The following OR6S1 variants were observed in gnomAD, a reference collection of about 807,000 sequenced individuals.
OR6S1 encodes olfactory receptor 6S1.
For synonymous variants in OR6S1, 182 were observed against 166.0 expected (o/e 1.10, Z -0.74); for missense variants, 443 against 401.7 (o/e 1.10, Z -0.88).
At position 20,641,582 on chromosome 14, in the gene OR6S1, T is replaced by C. The variant is rs773947445; in HGVS notation, c.110A>G (p.Tyr37Cys). The C allele has an allele frequency of 3.3e-5, 54 of 1,613,780 alleles. No individual in the cohort carries two copies. Among genetic ancestry groups the C allele is most frequent in the East Asian group, 1.8e-4 (8 of 44,894 alleles). The change falls in exon 1 of 1, where the codon TAT becomes TGT. Residue 37 changes from tyrosine to cysteine, a missense_variant. Tyr to Cys is a radical substitution (Grantham distance 194, BLOSUM62 -2). Coordinates refer to ENST00000320704, the MANE Select transcript of OR6S1 (RefSeq NM_001001968.1). ...CACATTGCCTGTCAGATTCAGGAGA[T>C]AGACAAGAAGAAACACAGAAAATAA... ...VELFSVFLLVYLLNLTGNVLI... is the reference protein window; with the variant it reads ...VELFSVFLLVCLLNLTGNVLI...
At position 20,641,473 on chromosome 14, in the gene OR6S1, T is replaced by A. The variant is rs979100737; in HGVS notation, c.219A>T (p.Ile73=). ...TTGGAATGATGACAGAAGTGAGCAG[T>A]ATCTCTAGGCAGGACAGGTTACCCA... ...FFLGNLSCLE[I]LLTSVIIPKM... The change falls in exon 1 of 1, where the codon ATA becomes ATT. Residue 73 remains isoleucine, a synonymous_variant. Transcript: ENST00000320704. The A allele has an allele frequency of 1.9e-6, 3 of 1,614,006 alleles. No homozygotes were observed. The African/African-American group carries it at 4.0e-5, about 22-fold the overall frequency.
chr14:20,641,422 C>T lies in OR6S1; in HGVS notation c.270G>A (p.Arg90=), dbSNP rs1885537560. ...ATGCAGCAAAGGAAATAGTGTGTTG[C>T]CTTGAGAGGAAATTGCTCAGCATCT... ...IPKMLSNFLS[R]QHTISFAACI... The change falls in exon 1 of 1, where the codon AGG becomes AGA. Residue 90 remains arginine (R), a synonymous_variant. Transcript: ENST00000320704. 1 of 1,613,934 alleles carries T rather than the reference C, an allele frequency of 6.2e-7. No homozygotes were observed. Among genetic ancestry groups the T allele is most frequent in the South Asian group, 1.1e-5 (1 of 91,078 alleles).
Position 20,641,331 on chromosome 14 carries a change from A to T in OR6S1, c.361T>A (p.Ser121Thr). Residue 121 changes from serine to threonine, a missense_variant, in exon 1 of 1, where the codon TCT (serine) becomes ACT (threonine). By Grantham distance (58) the Ser-to-Thr change is moderately conservative. Transcript: ENST00000320704. ...ASEFLLLAVM[S>T]ADRYLAICHP... ...CAGATGGCCAGGTAGCGATCCGCAG[A>T]CATGACAGCCAACAGTAAGAACTCG... 1.2e-6 allele frequency: 2 copies of T among 1,614,182 alleles called. No individual in the cohort carries two copies. Among genetic ancestry groups the T allele is most frequent in the Non-Finnish European group, 1.7e-6 (2 of 1,180,006 alleles).
In OR6S1 at chr14:20,640,833, G is replaced by C. The variant is rs376927368; in HGVS notation, c.859C>G (p.Leu287Val). The C allele has an allele frequency of 6.2e-7, 1 of 1,613,926 alleles. No homozygotes were observed. The highest frequency in any genetic ancestry group is 8.5e-7 in the Non-Finnish European group (1 of 1,180,016). The change falls in exon 1 of 1, where the codon CTG (leucine) becomes GTG (valine). Residue 287 changes from leucine (L) to valine (V), a missense_variant. Leu to Val is a conservative substitution (Grantham distance 32). Coordinates refer to ENST00000320704, the MANE Select transcript of OR6S1 (RefSeq NM_001001968.1). ...AAGGCATAGATGAATGGATTCAACAGTGGTGTCACAAATGTCGTTATTACT... is the reference window on the plus strand; with the variant it reads ...AAGGCATAGATGAATGGATTCAACACTGGTGTCACAAATGTCGTTATTACT... ...VTVITTFVTP[L>V]LNPFIYALRN...
chr14:20,641,337 C>G lies in OR6S1; in HGVS notation c.355G>C (p.Val119Leu). Reference protein sequence around the residue: ...LGASEFLLLAVMSADRYLAIC... With the variant: ...LGASEFLLLALMSADRYLAIC... ...GCCAGGTAGCGATCCGCAGACATGA[C>G]AGCCAACAGTAAGAACTCGGAGGCC... is the stretch of plus-strand genomic sequence containing the variant. Residue 119 changes from valine to leucine, a missense_variant, in exon 1 of 1, where the codon GTC (valine) becomes CTC (leucine). By Grantham distance (32) the Val-to-Leu change is conservative. Coordinates refer to ENST00000320704, the MANE Select transcript of OR6S1 (RefSeq NM_001001968.1). The G allele has an allele frequency of 6.2e-7, 1 of 1,614,126 alleles. No homozygotes were observed. The highest frequency in any genetic ancestry group is 1.1e-5 in the South Asian group (1 of 91,062).
rs1457270824 is a variant in OR6S1 at position 20,641,484 on chromosome 14, A to C, written c.208T>G (p.Cys70Gly). 6.2e-7 allele frequency: 1 copy of C among 1,614,160 alleles called. No individual in the cohort carries two copies. The highest frequency in any genetic ancestry group is 8.5e-7 in the Non-Finnish European group (1 of 1,179,964). The change falls in exon 1 of 1, where the codon TGC becomes GGC. Residue 70 changes from cysteine (C) to glycine (G), a missense_variant. Transcript: ENST00000320704. ...ACAGAAGTGAGCAGTATCTCTAGGC[A>C]GGACAGGTTACCCAGAAAGAAGTAC... ...PMYFFLGNLS[C>G]LEILLTSVII...
Position 20,641,375 on chromosome 14 carries a change from T to A in OR6S1, c.317A>T (p.Tyr106Phe). Reference sequence around the variant, plus strand: ...GAACTCGGAGGCCCCGAGAAAGAAGTAGAAATAGAATTGGGTGATACATGC... The same window carrying A: ...GAACTCGGAGGCCCCGAGAAAGAAGAAGAAATAGAATTGGGTGATACATGC... ...FAACITQFYF[Y>F]FFLGASEFLL... The change falls in exon 1 of 1, where the codon TAC becomes TTC. Residue 106 changes from tyrosine (Y) to phenylalanine (F), a missense_variant. Physicochemically the swap from Tyr to Phe is conservative, Grantham distance 22 (BLOSUM62 3). Transcript: ENST00000320704. The A allele has an allele frequency of 6.2e-7, 1 of 1,613,192 alleles. No homozygotes were observed. Among genetic ancestry groups the A allele is most frequent in the Non-Finnish European group, 8.5e-7 (1 of 1,179,730 alleles).
At position 20,640,928 on chromosome 14, in the gene OR6S1, T is replaced by C; in HGVS notation, c.764A>G (p.Tyr255Cys). 1.9e-6 allele frequency: 3 copies of C among 1,614,036 alleles called. No individual in the cohort carries two copies. The highest frequency in any genetic ancestry group is 2.5e-6 in the Non-Finnish European group (3 of 1,179,992). ...TSHLIVVTLF[Y>C]GSAIFLYVRP... ...CACATAGAGAAAAATGGCACTTCCA[T>C]AGAAGAGGGTCACCACTATCAAGTG... is the stretch of plus-strand genomic sequence containing the variant. Residue 255 changes from tyrosine to cysteine, a missense_variant, in exon 1 of 1, where the codon TAT (tyrosine) becomes TGT (cysteine). By Grantham distance (194) the Tyr-to-Cys change is radical. Coordinates refer to ENST00000320704, the MANE Select transcript of OR6S1 (RefSeq NM_001001968.1).
chr14:20,640,854 T>C lies in OR6S1; in HGVS notation c.838A>G (p.Ile280Val), dbSNP rs142221780. The C allele has an allele frequency of 6.7e-4, 1,089 of 1,614,108 alleles. 5 individuals carry two copies. In the African/African-American group the frequency reaches 0.013, roughly 19 times the overall value. The change falls in exon 1 of 1, where the codon ATA becomes GTA. Residue 280 changes from isoleucine to valine, a missense_variant. Ile to Val is a conservative substitution (Grantham distance 29, BLOSUM62 3). Coordinates refer to ENST00000320704, the MANE Select transcript of OR6S1 (RefSeq NM_001001968.1). ...AACAGTGGTGTCACAAATGTCGTTA[T>C]TACTGTCACTGCCCAGTTAGTGTCC... is the stretch of plus-strand genomic sequence containing the variant. ...SVDTNWAVTV[I>V]TTFVTPLLNP...
In OR6S1 at chr14:20,640,863, C is replaced by G; in HGVS notation, c.829G>C (p.Val277Leu). 1 of 1,614,052 alleles carries G rather than the reference C, an allele frequency of 6.2e-7. No homozygotes were observed. Among genetic ancestry groups the G allele is most frequent in the Non-Finnish European group, 8.5e-7 (1 of 1,179,976 alleles). The change falls in exon 1 of 1, where the codon GTG (valine) becomes CTG (leucine). Residue 277 changes from valine (V) to leucine (L), a missense_variant. Val to Leu is a conservative substitution (Grantham distance 32). Coordinates refer to ENST00000320704, the MANE Select transcript of OR6S1 (RefSeq NM_001001968.1). ...QSGSVDTNWA[V>L]TVITTFVTPL... ...GTCACAAATGTCGTTATTACTGTCA[C>G]TGCCCAGTTAGTGTCCACAGAACCA...
chr14:20,641,617 T>TG lies in OR6S1; in HGVS notation c.74dup (p.Arg26LysfsTer29). On this transcript the variant is annotated frameshift_variant, in exon 1 of 1. Transcript: ENST00000320704. LOFTEE classifies it low-confidence loss of function (END_TRUNC). ...GAAACACAGAAAATAATTCCACTCT[T>TG]GCGCTGTTGAGATTTGGGAGCCCTG... 1 of 1,613,642 alleles carries TG rather than the reference T, an allele frequency of 6.2e-7. No homozygotes were observed. The highest frequency in any genetic ancestry group is 8.5e-7 in the Non-Finnish European group (1 of 1,179,556).
At position 20,640,942 on chromosome 14, in the gene OR6S1, C is replaced by T; in HGVS notation, c.750G>A (p.Val250=). The change falls in exon 1 of 1, where the codon GTG becomes GTA. Residue 250 remains valine, a synonymous_variant. Transcript: ENST00000320704. ...AFSTCTSHLI[V]VTLFYGSAIF... Reference sequence around the variant, plus strand: ...TGGCACTTCCATAGAAGAGGGTCACCACTATCAAGTGGGAGGTACAGGTAG... The same window carrying T: ...TGGCACTTCCATAGAAGAGGGTCACTACTATCAAGTGGGAGGTACAGGTAG... 1.2e-6 allele frequency: 2 copies of T among 1,614,104 alleles called. No homozygotes were observed. The highest frequency in any genetic ancestry group is 1.7e-5 in the Admixed American group (1 of 60,020).
At position 20,641,552 on chromosome 14, in the gene OR6S1, A is replaced by G. The variant is rs772327726; in HGVS notation, c.140T>C (p.Ile47Thr). The change falls in exon 1 of 1, where the codon ATT (isoleucine) becomes ACT (threonine). Residue 47 changes from isoleucine (I) to threonine (T), a missense_variant. Ile to Thr is a moderately conservative substitution (Grantham distance 89). Transcript: ENST00000320704. ...AGTATCAGCCCTTACCACCCCCACA[A>G]TCAACACATTGCCTGTCAGATTCAG... is the stretch of plus-strand genomic sequence containing the variant. ...YLLNLTGNVL[I>T]VGVVRADTRL... 2.7e-5 allele frequency: 44 copies of G among 1,613,768 alleles called. No homozygotes were observed. The highest frequency in any genetic ancestry group is 6.7e-5 in the East Asian group (3 of 44,900).
Position 20,640,927 on chromosome 14 carries a change from A to T in OR6S1, c.765T>A (p.Tyr255Ter). ...TSHLIVVTLF[Y>*]GSAIFLYVRP... ...GCACATAGAGAAAAATGGCACTTCCATAGAAGAGGGTCACCACTATCAAGT... is the reference window on the plus strand; with the variant it reads ...GCACATAGAGAAAAATGGCACTTCCTTAGAAGAGGGTCACCACTATCAAGT... Residue 255 changes from tyrosine (Y) to a stop codon, truncating the protein, a stop_gained, in exon 1 of 1, where the codon TAT becomes TAA. Coordinates refer to ENST00000320704, the MANE Select transcript of OR6S1 (RefSeq NM_001001968.1). LOFTEE classifies it low-confidence loss of function (END_TRUNC). The T allele has an allele frequency of 6.2e-7, 1 of 1,614,190 alleles. No individual in the cohort carries two copies.
In OR6S1 at chr14:20,640,784, G is replaced by T. The variant is rs770706251; in HGVS notation, c.908C>A (p.Ala303Asp). Residue 303 changes from alanine (A) to aspartate (D), a missense_variant, in exon 1 of 1, where the codon GCT becomes GAT. Coordinates refer to ENST00000320704, the MANE Select transcript of OR6S1 (RefSeq NM_001001968.1). ...YALRNEQVKEALKDMFRKVVA... is the reference protein window; with the variant it reads ...YALRNEQVKEDLKDMFRKVVA... ...TACCTTCCTAAACATGTCCTTCAAA[G>T]CTTCCTTGACTTGCTCATTACGTAA... 3.7e-6 allele frequency: 6 copies of T among 1,613,172 alleles called. No individual in the cohort carries two copies. Among genetic ancestry groups the T allele is most frequent in the Non-Finnish European group, 5.1e-6 (6 of 1,179,884 alleles).
rs757780493 is a variant in OR6S1, at chr14:20,641,550, CA to C, written c.141del (p.Ile47MetfsTer5). The C allele has an allele frequency of 1.9e-6, 3 of 1,613,820 alleles. No homozygotes were observed. Among genetic ancestry groups the C allele is most frequent in the Admixed American group, 3.3e-5 (2 of 60,004 alleles). ...YLLNLTGNVL[I>X]VGVVRADTRL... ...CGAGTATCAGCCCTTACCACCCCCA[CA>C]ATCAACACATTGCCTGTCAGATTCA... On this transcript the variant is annotated frameshift_variant, in exon 1 of 1. Transcript: ENST00000320704. LOFTEE classifies it low-confidence loss of function (END_TRUNC).
chr14:20,641,574 T>G lies in OR6S1; in HGVS notation c.118A>C (p.Asn40His). Residue 40 changes from asparagine to histidine, a missense_variant, in exon 1 of 1, where the codon AAT becomes CAT. By Grantham distance (68) the Asn-to-His change is moderately conservative (BLOSUM62 1). Coordinates refer to ENST00000320704, the MANE Select transcript of OR6S1 (RefSeq NM_001001968.1). ...FSVFLLVYLL[N>H]LTGNVLIVGV... ...ACAATCAACACATTGCCTGTCAGAT[T>G]CAGGAGATAGACAAGAAGAAACACA... is the stretch of plus-strand genomic sequence containing the variant. 2 of 1,613,626 alleles carry G rather than the reference T, an allele frequency of 1.2e-6. No homozygotes were observed. Among genetic ancestry groups the G allele is most frequent in the South Asian group, 2.2e-5 (2 of 91,072 alleles).
At position 20,640,806 on chromosome 14, in the gene OR6S1, G is replaced by A. The variant is rs17114309; in HGVS notation, c.886C>T (p.Arg296Cys). The A allele has an allele frequency of 6.8e-3, 10,986 of 1,613,856 alleles. 642 individuals carry two copies. In the African/African-American group the frequency reaches 0.13, roughly 19 times the overall value. ...AAAGCTTCCTTGACTTGCTCATTAC[G>A]TAAGGCATAGATGAATGGATTCAAC... The part of the protein sequence containing the change: ...PLLNPFIYAL[R>C]NEQVKEALKD... Residue 296 changes from arginine to cysteine, a missense_variant, in exon 1 of 1, where the codon CGT (arginine) becomes TGT (cysteine). Transcript: ENST00000320704.
chr14:20,640,971 A>C lies in OR6S1; in HGVS notation c.721T>G (p.Phe241Val). 1 of 1,614,098 alleles carries C rather than the reference A, an allele frequency of 6.2e-7. No individual in the cohort carries two copies. Among genetic ancestry groups the C allele is most frequent in the African/African-American group, 1.3e-5 (1 of 75,036 alleles). ...ATCAAGTGGGAGGTACAGGTAGAGA[A>C]GGCCTTCTGACGGCCTGAAGCAGAG... ...IPSASGRQKA[F>V]STCTSHLIVV... is the part of the protein sequence containing the mutation. The change falls in exon 1 of 1, where the codon TTC becomes GTC. Residue 241 changes from phenylalanine to valine, a missense_variant. Transcript: ENST00000320704.
Sources: allele counts gnomAD v4.1 joint callset, GRCh38; gene constraint gnomAD v4.1.1; transcripts MANE v1.5; gene names NCBI Gene and HGNC (gene_info 2026-07-23, HGNC 2026-07-21).